PAX5: variants seen among roughly 807,000 people sequenced by gnomAD.
PAX5 encodes the protein paired box 5, also known as paired box protein Pax-5.
In PAX5, 9 loss-of-function variants were observed where a neutral mutation model predicts 43.7. The ratio of observed to expected loss-of-function variants is 0.21; its 90% CI spans 0.12 to 0.36. PAX5 has a LOEUF of 0.36. Ranked by LOEUF, PAX5 falls within the 10% of genes least tolerant of loss-of-function variation. The probability of loss-of-function intolerance (pLI) is 1.00; values close to 1 mark genes in which losing one functional copy is unlikely to be tolerated. For missense variants in PAX5, 383 were observed against 532.7 expected (o/e 0.72, Z 2.77); for synonymous variants, 228 against 214.3 (o/e 1.06, Z -0.56).
At chr9:36,956,274 G>A (rs1417478629) in intron 6 of PAX5, among the ~76,000 whole-genome samples, 1 of 152,230 alleles carries the variant, frequency 6.6e-6, no homozygotes, top group Non-Finnish European at 1.5e-5. Context: ...AACCGAGCAA[G>A]GTGCAGGCAG....
At chr9:36,889,940 A>AT (rs1827228184) in intron 7 of PAX5, among the ~76,000 whole-genome samples, 5 of 82,290 alleles carry the variant, frequency 6.1e-5, no homozygotes, top group African/African-American at 2.5e-4. Context: ...ATGTACACTA[A>AT]CGGGGGGGGG....
At chr9:36,950,794 G>A (rs926640976) in intron 6 of PAX5, among the ~76,000 whole-genome samples, 4 of 139,976 alleles carry the variant, frequency 2.9e-5, no homozygotes, top group South Asian at 2.3e-4. Flanking sequence ...AGGCTGGAGC[G>A]CAATGCTGCA....
intron 3 of PAX5, among the ~76,000 whole-genome samples, chr9:37,010,243 G>A (rs901726752): frequency 6.6e-6 from 1 of 152,162 alleles, no homozygotes; most frequent in Non-Finnish European, 1.5e-5. Context: ...TACCTGCTGA[G>A]CGTGAGCAGG....
chr9:36,968,962 G>C (rs1564022348), intron 5 of PAX5, among the ~76,000 whole-genome samples: 1 of 152,136 alleles, frequency 6.6e-6, no homozygotes, highest in African/African-American at 2.4e-5. Context: ...AGGAAAGATG[G>C]CTCAGTTTTT....
At chr9:36,868,922 A>C (rs1405798150) in intron 8 of PAX5, among the ~76,000 whole-genome samples, 1 of 152,076 alleles carries the variant, frequency 6.6e-6, no homozygotes, top group Non-Finnish European at 1.5e-5. Context: ...GATAACTCTA[A>C]AGCACCATGC....
intron 8 of PAX5, among the ~76,000 whole-genome samples, chr9:36,878,258 T>C (rs1259949027): frequency 6.6e-6 from 1 of 152,196 alleles, no homozygotes; most frequent in East Asian, 1.9e-4. Context: ...ATAATTTCCC[T>C]CTCCTCCCTC....
At chr9:37,014,615 A>G (rs570623335) in intron 3 of PAX5, among the ~76,000 whole-genome samples, 1 of 152,338 alleles carries the variant, frequency 6.6e-6, no homozygotes, top group African/African-American at 2.4e-5. Flanking sequence ...GAGATGGGCC[A>G]GTGCTAAGAC....
At chr9:37,013,432 C>T (rs541470921) in intron 3 of PAX5, among the ~76,000 whole-genome samples, 2 of 152,276 alleles carry the variant, frequency 1.3e-5, no homozygotes, top group South Asian at 4.2e-4. Context: ...GTGTACTCTA[C>T]GTTGGGAAAC....
chr9:36,877,019 T>C (rs986196578), intron 8 of PAX5, among the ~76,000 whole-genome samples: 1 of 152,148 alleles, frequency 6.6e-6, no homozygotes, highest in African/African-American at 2.4e-5. Flanking sequence ...TCCAAGCACA[T>C]TTACAATAAA....
intron 1 of PAX5, 53 bp downstream of exon 1, chr9:37,033,933 G>C (rs1435996552): frequency 6.3e-7 from 1 of 1,587,714 alleles, no homozygotes; most frequent in African/African-American, 1.3e-5. Context: ...TGGGGACCAA[G>C]GCCTGGCCGT....
At chr9:36,870,928 G>T (rs145010196) in intron 8 of PAX5, among the ~76,000 whole-genome samples, 2 of 152,248 alleles carry the variant, frequency 1.3e-5, no homozygotes, top group African/African-American at 4.8e-5. Context: ...CCTGCATAGG[G>T]TGCCCTCAGG....
intron 1 of PAX5, among the ~76,000 whole-genome samples, chr9:37,030,091 C>T (rs1032989774): frequency 1.3e-5 from 2 of 152,178 alleles, no homozygotes; most frequent in African/African-American, 2.4e-5. Flanking sequence ...GGAGTAGCGC[C>T]GATTCTCCCT....
chr9:37,003,747 G>A (rs1157505984), intron 4 of PAX5, among the ~76,000 whole-genome samples: 1 of 152,210 alleles, frequency 6.6e-6, no homozygotes, highest in Non-Finnish European at 1.5e-5. Context: ...TGAGGCAAGA[G>A]GATCACTTGA....
Position 36,993,792 on chromosome 9 carries a change from C to G in PAX5, c.604+8856G>C, listed in dbSNP as rs573041351. On this transcript the variant is annotated intron_variant, in intron 5 of 9. Transcript: ENST00000358127. ...ACAGCAGATGAGACTATATCCCCCT[C>G]CATCGGCCCCACCACTCTTTTACTG... Among the ~76,000 whole-genome samples the G allele has an allele frequency of 2.1e-4, 32 of 152,282 alleles. No individual in the cohort carries two copies. The East Asian group carries it at 3.9e-3, about 18-fold the overall frequency.
intron 5 of PAX5, among the ~76,000 whole-genome samples, chr9:36,995,204 A>C (rs1282124188): frequency 6.6e-6 from 1 of 152,238 alleles, no homozygotes; most frequent in African/African-American, 2.4e-5. Flanking sequence ...ACTGGACCCT[A>C]AAGAATCCTT....
chr9:36,940,359 A>G (rs1242684923), intron 6 of PAX5, among the ~76,000 whole-genome samples: 1 of 152,206 alleles, frequency 6.6e-6, no homozygotes, highest in Non-Finnish European at 1.5e-5. Flanking sequence ...CATCTTGCAT[A>G]AACAAGGCCT....
At chr9:37,014,684 C>T (rs1041128364) in intron 3 of PAX5, among the ~76,000 whole-genome samples, 3 of 152,214 alleles carry the variant, frequency 2.0e-5, no homozygotes, top group African/African-American at 7.2e-5. Flanking sequence ...GGACAATTCA[C>T]TGTGAAGTGT....
At chr9:36,913,193 C>T (rs748694760) in intron 7 of PAX5, among the ~76,000 whole-genome samples, 23 of 152,292 alleles carry the variant, frequency 1.5e-4, no homozygotes, top group Non-Finnish European at 2.6e-4. Flanking sequence ...TGGGTATTTC[C>T]GCTACTAAAA....
rs1841302833 is a variant in PAX5, at chr9:37,034,100, T to TTC, written c.-70_-69insGA. 31 of 224,698 alleles carry TTC rather than the reference T, an allele frequency of 1.4e-4. No homozygotes were observed. The highest frequency in any genetic ancestry group is 7.4e-4 in the African/African-American group (26 of 34,918). The allele number at this position is 224,698 out of a possible 1,614,324, so 13.9% of individuals were successfully genotyped here. On this transcript the variant is annotated 5_prime_UTR_variant, in exon 1 of 10. Coordinates refer to ENST00000358127, the MANE Select transcript of PAX5 (RefSeq NM_016734.3). ...CACTTTTTTGTGCCTTTTTTTTTCT[T>TTC]TTTTTTTTTTTTTTTTTTTTTTTTT... is the stretch of plus-strand genomic sequence containing the variant.
Sources: allele counts gnomAD v4.1 joint callset (sites outside exome capture counted in the v4.1 genomes callset), GRCh38; gene constraint gnomAD v4.1.1; transcripts MANE v1.5; gene names NCBI Gene and HGNC (gene_info 2026-07-23, HGNC 2026-07-21).